The following KIAA1328 variants were observed in gnomAD, a reference collection of about 807,000 sequenced individuals.
KIAA1328 encodes the protein protein hinderin.
KIAA1328 carries 52 observed loss-of-function variants against 68.1 expected under a neutral mutation model. The observed-to-expected ratio is 0.76, with a 90% CI of 0.61 to 0.96. KIAA1328 has a LOEUF of 0.96. KIAA1328 is among the 40% of genes least tolerant of loss of function. The pLI is 0.00. For synonymous variants in KIAA1328, 232 were observed against 239.4 expected, an observed-to-expected ratio of 0.97 and a Z score of 0.28; for missense variants, 641 against 677.6, an observed-to-expected ratio of 0.95 and a Z score of 0.60.
chr18:37,120,807 G>A (rs1275951249), intron 7 of KIAA1328, among the ~76,000 whole-genome samples: 2 of 152,150 alleles, frequency 1.3e-5, no homozygotes, highest in Admixed American at 6.6e-5. Context: ...CAAAAAAATG[G>A]ATACTTTTTT....
intron 7 of KIAA1328, among the ~76,000 whole-genome samples, chr18:37,077,326 C>T (rs1309768625): frequency 5.1e-5 from 7 of 138,318 alleles, no homozygotes; most frequent in South Asian, 2.1e-4. Flanking sequence ...ATTGATGGGA[C>T]GTATCTCAAA....
At chr18:37,055,823 G>A (rs755943394) in intron 6 of KIAA1328, among the ~76,000 whole-genome samples, 2 of 152,178 alleles carry the variant, frequency 1.3e-5, no homozygotes, top group African/African-American at 2.4e-5. Flanking sequence ...AAGGCTGTAA[G>A]TGGGAATATG....
At chr18:37,013,906 T>C (rs1428936440) in intron 6 of KIAA1328, among the ~76,000 whole-genome samples, 2 of 152,250 alleles carry the variant, frequency 1.3e-5, no homozygotes, top group South Asian at 2.1e-4. Context: ...TTTAAGTTTC[T>C]TGAGAAATCT....
intron 6 of KIAA1328, among the ~76,000 whole-genome samples, chr18:37,013,868 G>A (rs1240861924): frequency 6.6e-6 from 1 of 152,158 alleles, no homozygotes; most frequent in East Asian, 1.9e-4. Context: ...CCCAGTAATG[G>A]GATTGGTTGG....
At chr18:37,141,689 A>G (rs575824675) in intron 7 of KIAA1328, among the ~76,000 whole-genome samples, 10 of 152,338 alleles carry the variant, frequency 6.6e-5, no homozygotes, top group African/African-American at 2.2e-4. Context: ...TTCCAAAGCT[A>G]TATAACAATT....
chr18:37,008,871 A>T (rs2053876815), intron 6 of KIAA1328, among the ~76,000 whole-genome samples: 1 of 152,148 alleles, frequency 6.6e-6, no homozygotes, highest in South Asian at 2.1e-4. Flanking sequence ...TAAGAAGGGG[A>T]AAAAGAGAGG....
intron 5 of KIAA1328, among the ~76,000 whole-genome samples, chr18:36,919,379 G>A (rs1031418106): frequency 6.6e-6 from 1 of 152,088 alleles, no homozygotes; most frequent in South Asian, 2.1e-4. Flanking sequence ...TTTTATGGGG[G>A]TTGGTCTTGC....
intron 7 of KIAA1328, among the ~76,000 whole-genome samples, chr18:37,109,863 G>A (rs1268333998): frequency 6.6e-6 from 1 of 151,982 alleles, no homozygotes; most frequent in Non-Finnish European, 1.5e-5. Context: ...TGCTTGCTTT[G>A]ATAACCTCAT....
intron 7 of KIAA1328, among the ~76,000 whole-genome samples, chr18:37,115,983 A>G (rs1281103131): frequency 6.6e-6 from 1 of 152,208 alleles, no homozygotes; most frequent in Non-Finnish European, 1.5e-5. Context: ...AAGGAAAACT[A>G]CAAACCACTG....
intron 6 of KIAA1328, among the ~76,000 whole-genome samples, chr18:36,990,052 T>C (rs1254873894): frequency 6.6e-6 from 1 of 152,150 alleles, no homozygotes; most frequent in African/African-American, 2.4e-5. Flanking sequence ...TACATCCTGG[T>C]CTTCGGAAGG....
intron 6 of KIAA1328, among the ~76,000 whole-genome samples, chr18:37,035,628 A>G (rs1269919819): frequency 6.6e-6 from 1 of 152,238 alleles, no homozygotes; most frequent in African/African-American, 2.4e-5. Context: ...CCAAGATAGA[A>G]AATAAGCAAA....
chr18:36,932,153 G>T (rs998369392), intron 5 of KIAA1328, among the ~76,000 whole-genome samples: 1 of 151,942 alleles, frequency 6.6e-6, no homozygotes, highest in East Asian at 1.9e-4. Context: ...GACAAAGATC[G>T]TATTAGACAC....
At position 36,847,107 on chromosome 18, in the gene KIAA1328, T is replaced by C. The variant is rs138803936; in HGVS notation, c.332+2805T>C. Among the ~76,000 whole-genome samples the C allele has an allele frequency of 6.1e-3, 923 of 151,648 alleles. 7 individuals are homozygous for C. The highest frequency in any genetic ancestry group is 0.02 in the African/African-American group (843 of 41,496). On this transcript the variant is annotated intron_variant, in intron 4 of 9. Coordinates refer to ENST00000280020, the MANE Select transcript of KIAA1328 (RefSeq NM_020776.3). ...TCAAGTTGTTGTGTATGAGTACTCATTTTTTATTGTTGAATAGTATTTCAT... is the reference window on the plus strand; with the variant it reads ...TCAAGTTGTTGTGTATGAGTACTCACTTTTTATTGTTGAATAGTATTTCAT...
intron 7 of KIAA1328, among the ~76,000 whole-genome samples, chr18:37,115,848 C>T (rs1191514926): frequency 1.3e-5 from 2 of 152,184 alleles, no homozygotes; most frequent in Non-Finnish European, 2.9e-5. Context: ...GCAAAAATCA[C>T]AAGCATTCCT....
chr18:37,123,627 G>A (rs985007486), intron 7 of KIAA1328, among the ~76,000 whole-genome samples: 1 of 152,096 alleles, frequency 6.6e-6, no homozygotes, highest in Non-Finnish European at 1.5e-5. Flanking sequence ...TTTAAAATAT[G>A]CCATGGGTGG....
At chr18:37,109,052 G>C (rs1393318770) in intron 7 of KIAA1328, among the ~76,000 whole-genome samples, 2 of 151,792 alleles carry the variant, frequency 1.3e-5, no homozygotes, top group Non-Finnish European at 2.9e-5. Flanking sequence ...CCTTGTGATA[G>C]TTTGCTTAGA....
At chr18:37,056,937 C>A (rs1461604369) in intron 6 of KIAA1328, among the ~76,000 whole-genome samples, 1 of 152,188 alleles carries the variant, frequency 6.6e-6, no homozygotes, top group African/African-American at 2.4e-5. Flanking sequence ...GCCACCACGC[C>A]CAGCCTATAT....
intron 5 of KIAA1328, among the ~76,000 whole-genome samples, chr18:36,908,601 A>G (rs569609886): frequency 3.2e-4 from 49 of 152,182 alleles, no homozygotes; most frequent in Non-Finnish European, 2.2e-4. Flanking sequence ...CGGCCTCTCA[A>G]CGTGCTGGGA....
chr18:36,901,849 G>A (rs2049049832), intron 5 of KIAA1328: 1 of 152,018 alleles, frequency 6.6e-6, no homozygotes, highest in Non-Finnish European at 1.5e-5. Context: ...GGCTTAACAG[G>A]TCAGGAGGCA....
Sources: allele counts gnomAD v4.1 joint callset (sites outside exome capture counted in the v4.1 genomes callset), GRCh38; gene constraint gnomAD v4.1.1; transcripts MANE v1.5; gene names NCBI Gene and HGNC (gene_info 2026-07-23, HGNC 2026-07-21).